Variants in SYT1 observed in about 807,000 individuals in gnomAD.
The protein encoded by SYT1 is synaptotagmin 1.
Under a neutral mutation model 44.8 loss-of-function variants are expected in SYT1, and 8 were observed. That is an observed-to-expected ratio of 0.18 (90% confidence interval 0.10 to 0.32). SYT1 has a LOEUF of 0.32. Among genes scored for constraint, SYT1 ranks in the 10% least tolerant of loss-of-function variants. SYT1 has a pLI of 1.00. For missense variants in SYT1, 286 were observed against 509.3 expected (o/e 0.56, Z 4.22); for synonymous variants, 154 against 188.8 (o/e 0.82, Z 1.51).
At chr12:79,230,435 A>G (rs1382903918) in intron 4 of SYT1, among the ~76,000 whole-genome samples, 1 of 152,108 alleles carries the variant, frequency 6.6e-6, no homozygotes, top group Non-Finnish European at 1.5e-5. Flanking sequence ...CCATTATATT[A>G]TAGTTGACAA....
At chr12:79,189,314 T>A (rs1193309730) in intron 3 of SYT1, among the ~76,000 whole-genome samples, 1 of 152,192 alleles carries the variant, frequency 6.6e-6, no homozygotes, top group Non-Finnish European at 1.5e-5. Context: ...TACTGTAACA[T>A]GGAGATCATT....
intron 9 of SYT1, chr12:79,392,703 T>G (rs1301659669): frequency 6.7e-6 from 1 of 149,670 alleles, no homozygotes; most frequent in Admixed American, 6.7e-5. Flanking sequence ...GTCCAGTTAA[T>G]AAAGAAAACT....
At chr12:79,042,354 G>C (rs1240026726) in intron 2 of SYT1, among the ~76,000 whole-genome samples, 2 of 150,026 alleles carry the variant, frequency 1.3e-5, no homozygotes, top group Non-Finnish European at 3.0e-5. Context: ...TTAGTCCTGG[G>C]AGAGTGTATG....
At chr12:79,224,928 C>A (rs530386729) in intron 4 of SYT1, among the ~76,000 whole-genome samples, 1 of 151,680 alleles carries the variant, frequency 6.6e-6, no homozygotes, top group Non-Finnish European at 1.5e-5. Context: ...TACAGGCATA[C>A]ACCACCACGC....
At chr12:78,887,729 A>G (rs1874827057) in intron 1 of SYT1, among the ~76,000 whole-genome samples, 1 of 151,922 alleles carries the variant, frequency 6.6e-6, no homozygotes, top group South Asian at 2.1e-4. Flanking sequence ...TATATCCAAA[A>G]TTATATATCA....
chr12:79,399,484 A>C (rs562960238), intron 9 of SYT1, among the ~76,000 whole-genome samples: 1 of 152,160 alleles, frequency 6.6e-6, no homozygotes, highest in Non-Finnish European at 1.5e-5. Flanking sequence ...AATTCCAATC[A>C]AACTTAAATT....
intron 3 of SYT1, among the ~76,000 whole-genome samples, chr12:79,094,246 TAA>T (rs893674014): frequency 2.4e-4 from 36 of 151,898 alleles, no homozygotes; most frequent in African/African-American, 8.4e-4. Context: ...ATTAAATTTA[TAA>T]AGTTTTATCT....
At chr12:78,971,914 G>T (rs1394393213) in intron 1 of SYT1, among the ~76,000 whole-genome samples, 1 of 151,974 alleles carries the variant, frequency 6.6e-6, no homozygotes, top group Admixed American at 6.6e-5. Context: ...CCCTTTTAAG[G>T]GTCTGGTGAA....
At chr12:78,884,292 T>C (rs1289050832) in intron 1 of SYT1, among the ~76,000 whole-genome samples, 1 of 151,634 alleles carries the variant, frequency 6.6e-6, no homozygotes, top group Non-Finnish European at 1.5e-5. Context: ...TGTATAGTTA[T>C]ATATTTTATA....
At chr12:78,943,461 A>G (rs913484130) in intron 1 of SYT1, among the ~76,000 whole-genome samples, 1 of 152,092 alleles carries the variant, frequency 6.6e-6, no homozygotes, top group Non-Finnish European at 1.5e-5. Flanking sequence ...AAACAAATAG[A>G]TTTCTTATGA....
chr12:79,312,944 G>C (rs1311399441), intron 8 of SYT1, among the ~76,000 whole-genome samples: 1 of 152,060 alleles, frequency 6.6e-6, no homozygotes, highest in African/African-American at 2.4e-5. Context: ...AGACCTCATT[G>C]CATGTCACTC....
chr12:79,112,297 A>T (rs1565811617), intron 3 of SYT1, among the ~76,000 whole-genome samples: 1 of 152,108 alleles, frequency 6.6e-6, no homozygotes, highest in Non-Finnish European at 1.5e-5. Flanking sequence ...TTCTGAGATA[A>T]TAATGAGACG....
chr12:78,937,166 A>C (rs1402832060), intron 1 of SYT1, among the ~76,000 whole-genome samples: 1 of 152,164 alleles, frequency 6.6e-6, no homozygotes, highest in Non-Finnish European at 1.5e-5. Flanking sequence ...AAATTTAGTC[A>C]AGCTGAGGGG....
chr12:78,973,273 A>G (rs2137398325), intron 1 of SYT1, among the ~76,000 whole-genome samples: 1 of 152,254 alleles, frequency 6.6e-6, no homozygotes, highest in South Asian at 2.1e-4. Flanking sequence ...AACACTTTAC[A>G]TCCACTCTTA....
At chr12:79,163,992 A>G (rs1172472241) in intron 3 of SYT1, among the ~76,000 whole-genome samples, 1 of 152,038 alleles carries the variant, frequency 6.6e-6, no homozygotes, top group Non-Finnish European at 1.5e-5. Flanking sequence ...CCATTGTTGT[A>G]TGACTTTCTA....
chr12:79,307,203 G>A lies in SYT1; in HGVS notation c.810+7652G>A, dbSNP rs368647870. 5.9e-5 allele frequency among the ~76,000 whole-genome samples: 9 copies of A among 152,200 alleles called. No homozygotes were observed. The East Asian group carries it at 1.5e-3, about 26-fold the overall frequency. On this transcript the variant is annotated intron_variant, in intron 8 of 10. Transcript: ENST00000261205. ...TGTCAGTGATTGACTTGTACTAGTT[G>A]TACTACAGAATAAGGGAGGAGAATG...
chr12:79,353,392 C>G (rs1326514465), intron 8 of SYT1, 110 bp from the exon 9 acceptor site: 1 of 842,846 alleles, frequency 1.2e-6, no homozygotes, highest in African/African-American at 1.7e-5. Flanking sequence ...CTACAATTTT[C>G]AAATTCTAAT....
At chr12:79,018,498 T>A (rs1329386204) in intron 2 of SYT1, among the ~76,000 whole-genome samples, 1 of 151,964 alleles carries the variant, frequency 6.6e-6, no homozygotes, top group Non-Finnish European at 1.5e-5. Flanking sequence ...ATAATAATAA[T>A]AAAAAATTGT....
At chr12:79,031,622 C>T (rs1482438049) in intron 2 of SYT1, among the ~76,000 whole-genome samples, 1 of 151,124 alleles carries the variant, frequency 6.6e-6, no homozygotes, top group Non-Finnish European at 1.5e-5. Flanking sequence ...TCATATTAAA[C>T]ACATCACAGA....
Sources: gnomAD v4.1 joint callset for allele counts (sites outside exome capture counted in the v4.1 genomes callset) on GRCh38, gnomAD v4.1.1 for gene constraint, MANE v1.5 for transcripts, NCBI Gene and HGNC (gene_info 2026-07-23, HGNC 2026-07-21) for gene names.